LARGE1: variants seen among roughly 807,000 people sequenced by gnomAD.
LARGE1 encodes LARGE xylosyl- and glucuronyltransferase 1.
LARGE1 carries 43 observed loss-of-function variants against 87.6 expected under a neutral mutation model. That is an observed-to-expected ratio of 0.49 (90% CI 0.38 to 0.63). The LOEUF is 0.63. Among genes scored for constraint, LARGE1 ranks in the 30% least tolerant of loss-of-function variants. The pLI is 0.00. For synonymous variants in LARGE1, 434 were observed against 394.6 expected (o/e 1.10, Z -1.18); for missense variants, 802 against 1,000.2 (o/e 0.80, Z 2.67).
At chr22:33,386,713 GTAGA>G (rs1440934159) in intron 7 of LARGE1, among the ~76,000 whole-genome samples, 1 of 148,842 alleles carries the variant, frequency 6.7e-6, no homozygotes, top group Non-Finnish European at 1.5e-5. Context: ...GTTGGGGGGG[GTAGA>G]AAGAAAAGAA....
chr22:33,297,063 G>T (rs957735847), intron 12 of LARGE1, among the ~76,000 whole-genome samples: 1 of 152,194 alleles, frequency 6.6e-6, no homozygotes, highest in Non-Finnish European at 1.5e-5. Flanking sequence ...CAATGAATGG[G>T]CCCAAGGAAA....
intron 6 of LARGE1, among the ~76,000 whole-genome samples, chr22:33,473,401 G>A (rs1479797398): frequency 6.6e-6 from 1 of 152,090 alleles, no homozygotes; most frequent in Non-Finnish European, 1.5e-5. Context: ...TCAGACTGAA[G>A]TGCAGTGGCA....
At chr22:33,708,651 A>T (rs1397707673) in intron 2 of LARGE1, among the ~76,000 whole-genome samples, 1 of 152,154 alleles carries the variant, frequency 6.6e-6, no homozygotes, top group African/African-American at 2.4e-5. Flanking sequence ...CCCAGGCTGG[A>T]GTACAGTGGT....
chr22:33,112,667 G>A, the LARGE1 span, among the ~76,000 whole-genome samples: 1 of 152,238 alleles, frequency 6.6e-6, no homozygotes, highest in Non-Finnish European at 1.5e-5. Flanking sequence ...GTTGTGTAAA[G>A]AGGTCAATGT....
At chr22:33,260,934 C>T (rs1319882208) in intron 11 of LARGE1, among the ~76,000 whole-genome samples, 1 of 152,100 alleles carries the variant, frequency 6.6e-6, no homozygotes, top group Non-Finnish European at 1.5e-5. Context: ...CCAAAGAGCA[C>T]AGAATTGGAA....
intron 2 of LARGE1, among the ~76,000 whole-genome samples, chr22:33,675,202 C>T (rs1393414314): frequency 7.1e-6 from 1 of 141,596 alleles, no homozygotes; most frequent in Non-Finnish European, 1.5e-5. Flanking sequence ...GCTAAGGCAG[C>T]AGAATCGCTT....
chr22:33,264,961 TCTCA>T (rs2145759467), intron 11 of LARGE1, among the ~76,000 whole-genome samples: 1 of 136,912 alleles, frequency 7.3e-6, no homozygotes, highest in South Asian at 2.5e-4. Context: ...AATGGCACGA[TCTCA>T]GCTGGGCTCA....
rs552818660 is a variant in LARGE1 at position 33,713,596 on chromosome 22, T to C, written c.106+47775A>G. ...CTCTTTTTTTTTTCAGGTTAAACTT[T>C]CTTAATGCATAAATGATCGATCCAT... On this transcript the variant is annotated intron_variant, in intron 2 of 14. Coordinates refer to ENST00000397394, the MANE Select transcript of LARGE1 (RefSeq NM_133642.5). 1.1e-4 allele frequency among the ~76,000 whole-genome samples: 17 copies of C among 152,198 alleles called. No homozygotes were observed. The East Asian group carries it at 3.3e-3, about 29-fold the overall frequency.
At chr22:33,406,878 C>T (rs1178140850) in intron 7 of LARGE1, among the ~76,000 whole-genome samples, 2 of 151,998 alleles carry the variant, frequency 1.3e-5, no homozygotes, top group South Asian at 2.1e-4. Flanking sequence ...CTGCAACCTC[C>T]ACCTCCCAGG....
rs55899842 is a variant in LARGE1 at position 33,606,428 on chromosome 22, G to GAAATAAAATAAAATAAAATA, written c.492-1890_492-1871dup. Among the ~76,000 whole-genome samples the GAAATAAAATAAAATAAAATA allele has an allele frequency of 5.5e-3, 821 of 148,824 alleles. 8 individuals are homozygous for GAAATAAAATAAAATAAAATA. The highest frequency in any genetic ancestry group is 0.019 in the African/African-American group (768 of 40,092). On this transcript the variant is annotated intron_variant, in intron 4 of 14. Transcript: ENST00000397394. ...ACAAAATAAATAAATAAAATAAAAT[G>GAAATAAAATAAAATAAAATA]AAATAAAATAAAATAAAATAAAAAT...
intron 6 of LARGE1, among the ~76,000 whole-genome samples, chr22:33,445,647 C>CTTTTTT (rs201398589): frequency 7.4e-6 from 1 of 135,912 alleles, no homozygotes; most frequent in African/African-American, 2.7e-5. Flanking sequence ...AAGGGGGCCA[C>CTTTTTT]TTTTTTTTTT....
chr22:33,605,757 C>T (rs776904320), intron 4 of LARGE1, among the ~76,000 whole-genome samples: 2 of 152,110 alleles, frequency 1.3e-5, no homozygotes, highest in Non-Finnish European at 2.9e-5. Context: ...GAGAATGACC[C>T]GGCCCGCTGA....
chr22:33,837,189 T>C (rs987395085), intron 1 of LARGE1, among the ~76,000 whole-genome samples: 1 of 152,022 alleles, frequency 6.6e-6, no homozygotes, highest in Non-Finnish European at 1.5e-5. Flanking sequence ...TTTTAATTTA[T>C]GGGCAGTGAA....
At chr22:33,120,383 TTTCTTTC>T in the LARGE1 span, among the ~76,000 whole-genome samples, 1 of 95,654 alleles carries the variant, frequency 1.0e-5, no homozygotes, top group African/African-American at 6.5e-5. Context: ...TCTTTCTTTC[TTTCTTTC>T]TTTCTTTCTT....
chr22:33,328,333 G>A (rs1449564659), intron 10 of LARGE1, among the ~76,000 whole-genome samples: 1 of 152,124 alleles, frequency 6.6e-6, no homozygotes. Flanking sequence ...TGTAATCCCA[G>A]CACTTTGGGA....
At chr22:33,605,297 G>C (rs1322559629) in intron 4 of LARGE1, among the ~76,000 whole-genome samples, 1 of 151,990 alleles carries the variant, frequency 6.6e-6, no homozygotes, top group Non-Finnish European at 1.5e-5. Flanking sequence ...ATTATGCCCT[G>C]AACACTTTCA....
chr22:33,277,349 G>T (rs756711904), intron 13 of LARGE1, 94 bp from the exon 14 acceptor site: 8 of 1,191,776 alleles, frequency 6.7e-6, no homozygotes, highest in Non-Finnish European at 8.5e-6. Context: ...GTACACTGAT[G>T]TAGTCCTCGG....
At chr22:33,388,098 C>T (rs1569118394) in intron 7 of LARGE1, among the ~76,000 whole-genome samples, 1 of 152,088 alleles carries the variant, frequency 6.6e-6, no homozygotes, top group South Asian at 2.1e-4. Context: ...GCCTTTTCAC[C>T]CACTGTTATG....
At chr22:33,533,465 T>TG (rs990709543) in intron 6 of LARGE1, among the ~76,000 whole-genome samples, 1 of 152,162 alleles carries the variant, frequency 6.6e-6, no homozygotes, top group African/African-American at 2.4e-5. Context: ...CTGCCTCGAT[T>TG]GGCATACAGT....
Sources: allele counts gnomAD v4.1 joint callset (sites outside exome capture counted in the v4.1 genomes callset), GRCh38; gene constraint gnomAD v4.1.1; transcripts MANE v1.5; gene names NCBI Gene and HGNC (gene_info 2026-07-23, HGNC 2026-07-21).